GALNT13: variants seen among roughly 807,000 people sequenced by gnomAD.
GALNT13 encodes the protein polypeptide N-acetylgalactosaminyltransferase 13.
A neutral mutation model predicts 64.2 loss-of-function variants in GALNT13; 28 were observed. The ratio of observed to expected loss-of-function variants is 0.44; its 90% CI spans 0.32 to 0.60. The LOEUF (loss-of-function observed/expected upper bound fraction) is 0.60, where lower values mean the gene tolerates loss of function less well. GALNT13 is among the 20% of genes least tolerant of loss of function. The pLI, the probability that GALNT13 is intolerant of heterozygous loss-of-function variation, is 0.05. For missense variants in GALNT13, 577 were observed against 669.8 expected (o/e 0.86, Z 1.53); for synonymous variants, 214 against 224.6 (o/e 0.95, Z 0.42).
rs139430313 is a variant in GALNT13, at chr2:154,238,803, A to G, written c.312-3227A>G. On this transcript the variant is annotated intron_variant, in intron 4 of 12. Coordinates refer to ENST00000392825, the MANE Select transcript of GALNT13 (RefSeq NM_052917.4). Reference sequence around the variant, plus strand: ...AACATTGTGAAATGATCAAGTTAACACGTCTGCCAGCTCACATCTTTATGA... The same window carrying G: ...AACATTGTGAAATGATCAAGTTAACGCGTCTGCCAGCTCACATCTTTATGA... Among the ~76,000 whole-genome samples the G allele has an allele frequency of 6.7e-3, 1,022 of 152,140 alleles. 9 individuals carry two copies. The highest frequency in any genetic ancestry group is 0.024 in the African/African-American group (988 of 41,554).
At chr2:154,364,920 C>T (rs535880022) in intron 9 of GALNT13, among the ~76,000 whole-genome samples, 79 of 152,322 alleles carry the variant, frequency 5.2e-4, no homozygotes, top group Non-Finnish European at 9.0e-4. Context: ...ATTCGCCCGC[C>T]TCGGCCTTCC....
chr2:153,377,125 C>T, the GALNT13 span, among the ~76,000 whole-genome samples: 3 of 151,896 alleles, frequency 2.0e-5, no homozygotes. Context: ...GAAGAGATAC[C>T]GGGGATGTAC....
At chr2:153,721,379 G>A in the GALNT13 span, among the ~76,000 whole-genome samples, 3 of 140,808 alleles carry the variant, frequency 2.1e-5, no homozygotes, top group Admixed American at 1.4e-4. Context: ...AAAGACCATC[G>A]AGACTAGGAA....
the GALNT13 span, among the ~76,000 whole-genome samples, chr2:153,796,069 T>TTC: frequency 6.6e-6 from 1 of 152,222 alleles, no homozygotes; most frequent in African/African-American, 2.4e-5. Flanking sequence ...AGTTAAAGCG[T>TTC]TCACTTCTAC....
the GALNT13 span, among the ~76,000 whole-genome samples, chr2:153,405,896 A>C: frequency 2.0e-5 from 3 of 152,190 alleles, no homozygotes; most frequent in Admixed American, 6.5e-5. Flanking sequence ...TGTTAGATGC[A>C]GACTGGCAAG....
the GALNT13 span, among the ~76,000 whole-genome samples, chr2:153,145,447 G>T: frequency 6.6e-6 from 1 of 151,860 alleles, no homozygotes; most frequent in Non-Finnish European, 1.5e-5. Context: ...ATACCTAGTT[G>T]GATTTCATTT....
At chr2:153,730,075 A>G in the GALNT13 span, among the ~76,000 whole-genome samples, 1 of 151,980 alleles carries the variant, frequency 6.6e-6, no homozygotes, top group Non-Finnish European at 1.5e-5. Flanking sequence ...TTTTCCCATG[A>G]TTAGACAAAA....
the GALNT13 span, among the ~76,000 whole-genome samples, chr2:153,435,968 C>T: frequency 6.6e-6 from 1 of 152,144 alleles, no homozygotes; most frequent in Non-Finnish European, 1.5e-5. Context: ...GTGGGTTTGT[C>T]ATTGATAGCT....
chr2:153,900,619 G>T (rs1688172104), intron 1 of GALNT13, among the ~76,000 whole-genome samples: 1 of 151,992 alleles, frequency 6.6e-6, no homozygotes, highest in Non-Finnish European at 1.5e-5. Context: ...TCATATTTTT[G>T]AATTACTTTT....
At chr2:154,165,145 G>T (rs989900591) in intron 4 of GALNT13, among the ~76,000 whole-genome samples, 4 of 152,142 alleles carry the variant, frequency 2.6e-5, no homozygotes, top group African/African-American at 7.2e-5. Flanking sequence ...TTTTAAGTGA[G>T]TGTTAATGTG....
At chr2:153,295,538 A>G in the GALNT13 span, among the ~76,000 whole-genome samples, 4 of 152,068 alleles carry the variant, frequency 2.6e-5, no homozygotes, top group Non-Finnish European at 5.9e-5. Context: ...AAAAAAAAAA[A>G]AAAAAAAGAA....
chr2:153,738,285 T>C, the GALNT13 span, among the ~76,000 whole-genome samples: 5 of 152,022 alleles, frequency 3.3e-5, no homozygotes, highest in Non-Finnish European at 5.9e-5. Flanking sequence ...AACCTTTTAC[T>C]ACATTTTCCA....
the GALNT13 span, among the ~76,000 whole-genome samples, chr2:153,254,925 C>A: frequency 1.3e-5 from 2 of 152,024 alleles, no homozygotes; most frequent in Non-Finnish European, 2.9e-5. Flanking sequence ...TGGTGTGGTA[C>A]TGAAAAAAAT....
At chr2:153,601,793 A>G in the GALNT13 span, among the ~76,000 whole-genome samples, 1 of 151,852 alleles carries the variant, frequency 6.6e-6, no homozygotes, top group Admixed American at 6.6e-5. Flanking sequence ...GGAAAATGCT[A>G]AAAAAGACAC....
chr2:153,190,225 T>G, the GALNT13 span, among the ~76,000 whole-genome samples: 1 of 152,058 alleles, frequency 6.6e-6, no homozygotes, highest in South Asian at 2.1e-4. Context: ...TTTATAGCTT[T>G]GGATATTACA....
At chr2:154,167,447 C>G (rs553037062) in intron 4 of GALNT13, among the ~76,000 whole-genome samples, 1 of 152,012 alleles carries the variant, frequency 6.6e-6, no homozygotes, top group Non-Finnish European at 1.5e-5. Flanking sequence ...TTCAGATATT[C>G]GAATATTTGA....
chr2:154,066,390 C>T (rs1230688789), intron 3 of GALNT13, among the ~76,000 whole-genome samples: 10 of 151,888 alleles, frequency 6.6e-5, no homozygotes, highest in Admixed American at 5.9e-4. Flanking sequence ...TTATAGAACA[C>T]CAAGTAGATT....
the GALNT13 span, among the ~76,000 whole-genome samples, chr2:153,111,182 C>G: frequency 1.3e-5 from 2 of 152,050 alleles, no homozygotes; most frequent in Admixed American, 1.3e-4. Context: ...TTAAAAGGAT[C>G]TATCTTTTAG....
intron 4 of GALNT13, among the ~76,000 whole-genome samples, chr2:154,223,454 T>C (rs567530676): frequency 0.012 from 1,151 of 98,148 alleles, 11 homozygotes; most frequent in Non-Finnish European, 0.015. Context: ...TTTTCTTTTT[T>C]TTTTTTTTTT....
Sources: gnomAD v4.1 joint callset for allele counts (sites outside exome capture counted in the v4.1 genomes callset) on GRCh38, gnomAD v4.1.1 for gene constraint, MANE v1.5 for transcripts, NCBI Gene and HGNC (gene_info 2026-07-23, HGNC 2026-07-21) for gene names.